Variants in LRRC4C observed in about 807,000 individuals in gnomAD.
LRRC4C encodes the protein leucine rich repeat containing 4C.
Under a neutral mutation model 33.6 loss-of-function variants are expected in LRRC4C, and 5 were observed. The ratio of observed to expected loss-of-function variants is 0.15; its 90% CI spans 0.08 to 0.31. The LOEUF (loss-of-function observed/expected upper bound fraction) is 0.31. Ranked by LOEUF, LRRC4C falls within the 10% of genes least tolerant of loss-of-function variation. The pLI is 1.00. For missense variants in LRRC4C, 560 were observed against 796.7 expected, an observed-to-expected ratio of 0.70 and a Z score of 3.58; for synonymous variants, 329 against 302.0, an observed-to-expected ratio of 1.09 and a Z score of -0.93.
At chr11:40,661,499 T>C (rs1943431708) in intron 2 of LRRC4C, among the ~76,000 whole-genome samples, 4 of 152,242 alleles carry the variant, frequency 2.6e-5, no homozygotes, top group Admixed American at 2.6e-4. Context: ...TATAATCATC[T>C]GCATTCATTA....
chr11:40,329,106 C>T (rs1017631623), intron 3 of LRRC4C, among the ~76,000 whole-genome samples: 8 of 152,168 alleles, frequency 5.3e-5, no homozygotes, highest in African/African-American at 1.4e-4. Flanking sequence ...TGACAAAATG[C>T]TACTCTTTAT....
chr11:40,623,542 A>G (rs1495301), intron 3 of LRRC4C, among the ~76,000 whole-genome samples: 39,829 of 151,870 alleles, frequency 0.26, 6,470 homozygotes, highest in Middle Eastern at 0.39. Flanking sequence ...CTATAAAGTA[A>G]TATTACATTA....
At chr11:40,245,834 C>A (rs1401625631) in intron 4 of LRRC4C, among the ~76,000 whole-genome samples, 1 of 151,856 alleles carries the variant, frequency 6.6e-6, no homozygotes, top group Non-Finnish European at 1.5e-5. Context: ...TCAATAAAGG[C>A]ATACTATTTT....
chr11:41,079,556 T>C (rs1214874509), intron 1 of LRRC4C, among the ~76,000 whole-genome samples: 1 of 151,870 alleles, frequency 6.6e-6, no homozygotes, highest in Non-Finnish European at 1.5e-5. Flanking sequence ...AATATCTGGG[T>C]TCGTAAGTTC....
At chr11:41,148,370 A>C (rs553653091) in intron 1 of LRRC4C, among the ~76,000 whole-genome samples, 3 of 152,256 alleles carry the variant, frequency 2.0e-5, no homozygotes, top group South Asian at 2.1e-4. Flanking sequence ...TAGCCTGGGC[A>C]ACAGAGCAAG....
chr11:41,194,650 G>A (rs1160043604), intron 1 of LRRC4C, among the ~76,000 whole-genome samples: 1 of 152,022 alleles, frequency 6.6e-6, no homozygotes, highest in Non-Finnish European at 1.5e-5. Flanking sequence ...CAGCCCACAA[G>A]GAACAAAACG....
At chr11:41,449,787 C>T (rs1256875735) in intron 1 of LRRC4C, among the ~76,000 whole-genome samples, 5 of 142,002 alleles carry the variant, frequency 3.5e-5, no homozygotes, top group South Asian at 2.2e-4. Context: ...AAAAAAAAAG[C>T]TTTTTCGCTT....
chr11:40,292,184 G>C (rs902190151), intron 4 of LRRC4C: 4 of 152,054 alleles, frequency 2.6e-5, no homozygotes, highest in African/African-American at 9.7e-5. Flanking sequence ...GAAAATAAGG[G>C]TCACTCACTG....
At chr11:41,169,879 T>C (rs117952022) in intron 1 of LRRC4C, among the ~76,000 whole-genome samples, 60 of 152,264 alleles carry the variant, frequency 3.9e-4, no homozygotes, top group Non-Finnish European at 7.4e-4. Context: ...ATGAAATAAA[T>C]CACTGGATAA....
chr11:41,221,796 C>T lies in LRRC4C; in HGVS notation c.-496+237635G>A, dbSNP rs1316812276. Among the ~76,000 whole-genome samples, 2 of 152,162 alleles carry T rather than the reference C, an allele frequency of 1.3e-5. 1 individual carries two copies. The highest frequency in any genetic ancestry group is 3.9e-4 in the East Asian group (2 of 5,194). ...GAATTCCACACAAGAAACCATAGAG[C>T]TCAACTGGCATAGAGACAAATTCCT... On this transcript the variant is annotated intron_variant, in intron 1 of 6. Coordinates refer to ENST00000528697, the MANE Select transcript of LRRC4C (RefSeq NM_001258419.2).
chr11:41,124,711 C>T (rs1021248281), intron 1 of LRRC4C, among the ~76,000 whole-genome samples: 2 of 151,944 alleles, frequency 1.3e-5, no homozygotes, highest in African/African-American at 4.8e-5. Flanking sequence ...AAAATGTTTC[C>T]TCTATTTATT....
At chr11:40,725,008 T>A (rs1187718460) in intron 2 of LRRC4C, among the ~76,000 whole-genome samples, 1 of 152,170 alleles carries the variant, frequency 6.6e-6, no homozygotes, top group East Asian at 1.9e-4. Flanking sequence ...CTTGCCTCCC[T>A]TAACAAGCTG....
At chr11:40,748,702 A>G (rs533404916) in intron 2 of LRRC4C, among the ~76,000 whole-genome samples, 11 of 152,150 alleles carry the variant, frequency 7.2e-5, no homozygotes, top group Non-Finnish European at 1.5e-4. Context: ...AAGGGATAAA[A>G]AACTTAATCT....
At chr11:40,675,461 C>T (rs1465332494) in intron 2 of LRRC4C, among the ~76,000 whole-genome samples, 1 of 152,144 alleles carries the variant, frequency 6.6e-6, no homozygotes, top group Non-Finnish European at 1.5e-5. Context: ...AGCAGAGTTG[C>T]TCACACTTTT....
intron 1 of LRRC4C, among the ~76,000 whole-genome samples, chr11:41,295,497 G>A (rs1291556585): frequency 6.6e-6 from 1 of 152,068 alleles, no homozygotes; most frequent in Admixed American, 6.5e-5. Flanking sequence ...GGTTTCCCCA[G>A]TTCAGGAAAC....
chr11:40,871,188 C>T (rs1206745369), intron 2 of LRRC4C, among the ~76,000 whole-genome samples: 1 of 152,136 alleles, frequency 6.6e-6, no homozygotes, highest in African/African-American at 2.4e-5. Flanking sequence ...CCAGAAACTT[C>T]ATTAGCAATT....
At chr11:40,748,949 T>G (rs568129993) in intron 2 of LRRC4C, among the ~76,000 whole-genome samples, 2 of 152,140 alleles carry the variant, frequency 1.3e-5, no homozygotes, top group Non-Finnish European at 2.9e-5. Flanking sequence ...CTTAAATATA[T>G]GTGCATCCAA....
At chr11:40,547,148 A>G (rs1428517674) in intron 3 of LRRC4C, among the ~76,000 whole-genome samples, 2 of 152,088 alleles carry the variant, frequency 1.3e-5, no homozygotes, top group African/African-American at 4.8e-5. Flanking sequence ...TCTTTTCCCC[A>G]GGGCCATATC....
intron 1 of LRRC4C, among the ~76,000 whole-genome samples, chr11:41,303,264 G>C (rs937177113): frequency 2.7e-5 from 4 of 145,812 alleles, no homozygotes; most frequent in African/African-American, 1.0e-4. Flanking sequence ...CGCCTGACTG[G>C]TTTTGGTGGA....
Sources: gnomAD v4.1 joint callset for allele counts (sites outside exome capture counted in the v4.1 genomes callset) on GRCh38, gnomAD v4.1.1 for gene constraint, MANE v1.5 for transcripts, NCBI Gene and HGNC (gene_info 2026-07-23, HGNC 2026-07-21) for gene names.